The following EML6 variants were observed in gnomAD, a reference collection of about 807,000 sequenced individuals.
The protein encoded by EML6 is EMAP like 6, also known as echinoderm microtubule-associated protein-like 6.
EML6 carries 154 observed loss-of-function variants against 240.1 expected under a neutral mutation model. The ratio of observed to expected loss-of-function variants is 0.64; its 90% CI spans 0.56 to 0.73. The LOEUF is 0.73. Ranked by LOEUF, EML6 falls within the 30% of genes least tolerant of loss-of-function variation. The probability of loss-of-function intolerance (pLI) is 0.00; values close to 1 mark genes in which losing one functional copy is unlikely to be tolerated. For synonymous variants in EML6, 1,148 were observed against 899.0 expected (o/e 1.28, Z -4.95); for missense variants, 2,964 against 2,474.6 (o/e 1.20, Z -4.20).
rs571135382 is a variant in EML6, at chr2:54,917,445, A to G, written c.3675+510A>G. On this transcript the variant is annotated intron_variant, in intron 26 of 41. Transcript: ENST00000356458. ...AGTGGCGCCATCTCGGCTGACCGCA[A>G]CTTCTGCCTCCCAGGTTCAGGCAAT... Among the ~76,000 whole-genome samples the G allele has an allele frequency of 8.7e-5, 13 of 149,014 alleles. No homozygotes were observed. The South Asian group carries it at 2.7e-3, about 31-fold the overall frequency.
In EML6 at chr2:54,917,792, C is replaced by G. The variant is rs528874326; in HGVS notation, c.3675+857C>G. Among the ~76,000 whole-genome samples the G allele has an allele frequency of 3.9e-5, 6 of 152,272 alleles. No homozygotes were observed. The South Asian group carries it at 1.2e-3, about 32-fold the overall frequency. On this transcript the variant is annotated intron_variant, in intron 26 of 41. Coordinates refer to ENST00000356458, the MANE Select transcript of EML6 (RefSeq NM_001039753.4). ...CATTTTTTTTTCCAGCCTAACCTTT[C>G]TAGTTGCTTCAGCCATTTCCCATAT...
chr2:54,899,546 TG>T, intron 21 of EML6, 94 bp from the exon 22 acceptor site: 1 of 1,236,910 alleles, frequency 8.1e-7, no homozygotes, highest in Non-Finnish European at 1.1e-6. Flanking sequence ...TGCTTTTTTG[TG>T]GTACTCTTGG....
intron 26 of EML6, among the ~76,000 whole-genome samples, chr2:54,923,725 C>G (rs562570143): frequency 1.8e-4 from 27 of 152,232 alleles, no homozygotes; most frequent in African/African-American, 6.5e-4. Context: ...CCTATATAAA[C>G]ATCTCTTATG....
intron 24 of EML6, among the ~76,000 whole-genome samples, chr2:54,907,192 T>A (rs1573116638): frequency 6.6e-6 from 1 of 152,210 alleles, no homozygotes; most frequent in African/African-American, 2.4e-5. Context: ...TCTAGAAATA[T>A]CAGGCTATAA....
chr2:54,838,408 G>C (rs1473032189), intron 7 of EML6, among the ~76,000 whole-genome samples: 2 of 152,240 alleles, frequency 1.3e-5, no homozygotes, highest in African/African-American at 4.8e-5. Flanking sequence ...CCACTTTACA[G>C]ATGGAGGAAC....
chr2:54,878,482 G>A (rs1428823709), intron 16 of EML6, among the ~76,000 whole-genome samples: 1 of 152,204 alleles, frequency 6.6e-6, no homozygotes, highest in Non-Finnish European at 1.5e-5. Context: ...GGCAGCAAAG[G>A]AAAGGCTTTT....
chr2:54,869,372 C>CT lies in EML6; in HGVS notation c.2238+6dup, dbSNP rs1234981753. 6.5e-7 allele frequency: 1 copy of CT among 1,542,182 alleles called. No homozygotes were observed. Among genetic ancestry groups the CT allele is most frequent in the Non-Finnish European group, 8.8e-7 (1 of 1,140,190 alleles). Reference sequence around the variant, plus strand: ...GACTATGTGGCTACTGGGCAGGTATCTATCTCCTGTAAACTAGGGCCTAGC... The same window carrying CT: ...GACTATGTGGCTACTGGGCAGGTATCTTATCTCCTGTAAACTAGGGCCTAGC... On this transcript the variant is annotated splice_donor_region_variant and intron_variant, in intron 15 of 41. Transcript: ENST00000356458.
intron 2 of EML6, among the ~76,000 whole-genome samples, chr2:54,728,748 C>T (rs1279092665): frequency 6.6e-6 from 1 of 152,236 alleles, no homozygotes; most frequent in Non-Finnish European, 1.5e-5. Flanking sequence ...AACACACACA[C>T]ACCCCCAGAA....
At chr2:54,949,537 G>A (rs1675867336) in intron 29 of EML6, among the ~76,000 whole-genome samples, 1 of 152,172 alleles carries the variant, frequency 6.6e-6, no homozygotes, top group Non-Finnish European at 1.5e-5. Flanking sequence ...CAATTGTTGA[G>A]ACTAGGCTCT....
At chr2:54,964,462 G>A in intron 37 of EML6, 109 bp from the exon 38 acceptor site, 2 of 987,696 alleles carry the variant, frequency 2.0e-6, no homozygotes, top group Middle Eastern at 3.0e-4. Flanking sequence ...GTCACAAGGT[G>A]GCTCTCATTG....
chr2:54,869,935 A>G (rs2103907342), intron 15 of EML6, among the ~76,000 whole-genome samples: 1 of 152,316 alleles, frequency 6.6e-6, no homozygotes, highest in South Asian at 2.1e-4. Flanking sequence ...GAGAAAAATA[A>G]TCATTAACTT....
intron 2 of EML6, among the ~76,000 whole-genome samples, chr2:54,747,817 A>G (rs1683985010): frequency 6.6e-6 from 1 of 152,182 alleles, no homozygotes; most frequent in Admixed American, 6.5e-5. Flanking sequence ...CATGTGAAAA[A>G]ATGTTAAACA....
At chr2:54,757,701 C>G (rs1667800484) in intron 2 of EML6, among the ~76,000 whole-genome samples, 2 of 152,056 alleles carry the variant, frequency 1.3e-5, no homozygotes, top group East Asian at 3.9e-4. Context: ...CTTTCACCCC[C>G]TCCCTCCACT....
In EML6 at chr2:54,862,338, T is replaced by TTA. The variant is rs1491264747; in HGVS notation, c.1826-1445_1826-1444insTA. Among the ~76,000 whole-genome samples the TTA allele has an allele frequency of 1.5e-3, 57 of 37,736 alleles. 1 individual carries two copies. The highest frequency in any genetic ancestry group is 3.4e-3 in the African/African-American group (32 of 9,548). 24.8% of individuals were successfully genotyped at this position (37,736 alleles called of 152,430 possible). A position where few individuals can be genotyped will look rare whatever the true frequency, so the allele number is the denominator to read the frequency against. ...GGGTGACATAACATGACTCCATCTC[T>TTA]AAAAAAAAAAAAAAAAAAAAAAAAA... is the stretch of plus-strand genomic sequence containing the variant. On this transcript the variant is annotated intron_variant, in intron 12 of 41. Transcript: ENST00000356458.
At chr2:54,751,463 C>T (rs923601200) in intron 2 of EML6, among the ~76,000 whole-genome samples, 7 of 151,654 alleles carry the variant, frequency 4.6e-5, no homozygotes, top group African/African-American at 1.7e-4. Context: ...CACAAGGGAA[C>T]AGAGAGGATT....
chr2:54,960,097 T>C (rs1430511887), intron 34 of EML6, 123 bp from the exon 35 acceptor site: 1 of 708,856 alleles, frequency 1.4e-6, no homozygotes, highest in African/African-American at 1.8e-5. Context: ...CCCTGGAGGG[T>C]CTTTCCTTCT....
Position 54,901,294 on chromosome 2 carries a change from G to C in EML6, c.3124+1512G>C, listed in dbSNP as rs941065711. On this transcript the variant is annotated intron_variant, in intron 22 of 41. Transcript: ENST00000356458. ...CTGCTTAACACTATTTCCCTCTGCCGTGTTGCCTGTCTTTACACTAGGCTC... is the reference window on the plus strand; with the variant it reads ...CTGCTTAACACTATTTCCCTCTGCCCTGTTGCCTGTCTTTACACTAGGCTC... Among the ~76,000 whole-genome samples, 5 of 152,294 alleles carry C rather than the reference G, an allele frequency of 3.3e-5. 1 individual carries two copies. Among genetic ancestry groups the C allele is most frequent in the Middle Eastern group, 3.4e-3 (1 of 294 alleles).
Position 54,961,184 on chromosome 2 carries a change from G to GTTGTTTTTTTTTTTTTTTTGTTTTTT in EML6, c.4968+852_4968+853insGTTTTTTTTTTTTTTTTGTTTTTTTT. ...GGAGCCTGGAAGTTATCAGGAAGTAGTTTTTTTTTTTTTTTTTTTGAGACG... is the reference window on the plus strand; with the variant it reads ...GGAGCCTGGAAGTTATCAGGAAGTAGTTGTTTTTTTTTTTTTTTTGTTTTTTTTTTTTTTTTTTTTTTTTTGAGACG... On this transcript the variant is annotated intron_variant, in intron 35 of 41. Transcript: ENST00000356458. 3.6e-5 allele frequency among the ~76,000 whole-genome samples: 2 copies of GTTGTTTTTTTTTTTTTTTTGTTTTTT among 55,424 alleles called. 1 individual carries two copies. Among genetic ancestry groups the GTTGTTTTTTTTTTTTTTTTGTTTTTT allele is most frequent in the African/African-American group, 1.6e-4 (2 of 12,356 alleles). The allele number at this position is 55,424 out of a possible 152,430, so 36.4% of individuals were successfully genotyped here.
At chr2:54,898,677 C>T (rs973474743) in intron 21 of EML6, among the ~76,000 whole-genome samples, 26 of 152,166 alleles carry the variant, frequency 1.7e-4, no homozygotes, top group South Asian at 4.1e-4. Flanking sequence ...CCACCTGTTC[C>T]CCAAAGCATT....
Sources: allele counts gnomAD v4.1 joint callset (sites outside exome capture counted in the v4.1 genomes callset), GRCh38; gene constraint gnomAD v4.1.1; transcripts MANE v1.5; gene names NCBI Gene and HGNC (gene_info 2026-07-23, HGNC 2026-07-21).